Variants in TBC1D5 observed in about 807,000 individuals in gnomAD.
The protein encoded by TBC1D5 is TBC1 domain family, member 5.
In TBC1D5, 75 loss-of-function variants were observed where a neutral mutation model predicts 100.3. The ratio of observed to expected loss-of-function variants is 0.75; its 90% CI spans 0.62 to 0.91. The LOEUF is 0.91. Among genes scored for constraint, TBC1D5 ranks in the 40% least tolerant of loss-of-function variants. TBC1D5 has a pLI of 0.00. For missense variants in TBC1D5, 910 were observed against 942.4 expected (o/e 0.97, Z 0.45); for synonymous variants, 323 against 325.6 (o/e 0.99, Z 0.09).
chr3:17,481,843 C>T (rs904117759), intron 3 of TBC1D5, among the ~76,000 whole-genome samples: 3 of 152,132 alleles, frequency 2.0e-5, no homozygotes, highest in Non-Finnish European at 4.4e-5. Flanking sequence ...CAGGTTCAAG[C>T]GATTCTCCTG....
chr3:17,587,475 A>G (rs2096739725), intron 2 of TBC1D5, among the ~76,000 whole-genome samples: 1 of 152,018 alleles, frequency 6.6e-6, no homozygotes, highest in Non-Finnish European at 1.5e-5. Context: ...TTCAATATAA[A>G]TTATTTCAAA....
intron 13 of TBC1D5, among the ~76,000 whole-genome samples, chr3:17,310,102 G>C (rs1393650669): frequency 1.3e-5 from 2 of 151,932 alleles, no homozygotes; most frequent in African/African-American, 2.4e-5. Flanking sequence ...AAAAACCAAA[G>C]TAGCCCATTT....
intron 8 of TBC1D5, among the ~76,000 whole-genome samples, chr3:17,390,076 C>T (rs1297702973): frequency 6.6e-6 from 1 of 152,078 alleles, no homozygotes; most frequent in Non-Finnish European, 1.5e-5. Context: ...ATACAAAGAC[C>T]TATACATGAT....
At chr3:17,375,686 C>A (rs1420706183) in intron 10 of TBC1D5, among the ~76,000 whole-genome samples, 1 of 151,244 alleles carries the variant, frequency 6.6e-6, no homozygotes, top group African/African-American at 2.4e-5. Context: ...AAAAAAAACT[C>A]AGTAAAATTA....
chr3:17,669,327 G>A (rs975609674), intron 1 of TBC1D5, among the ~76,000 whole-genome samples: 2 of 152,100 alleles, frequency 1.3e-5, no homozygotes, highest in South Asian at 4.1e-4. Flanking sequence ...CCCAGTCTCA[G>A]GCAGTTCTTT....
intron 2 of TBC1D5, among the ~76,000 whole-genome samples, chr3:17,518,474 T>A (rs1238752226): frequency 6.6e-6 from 1 of 152,200 alleles, no homozygotes; most frequent in Non-Finnish European, 1.5e-5. Flanking sequence ...CAGCTGGAGA[T>A]GGCCAGATTT....
chr3:17,296,400 C>A (rs1171445011), intron 14 of TBC1D5, among the ~76,000 whole-genome samples: 1 of 152,132 alleles, frequency 6.6e-6, no homozygotes, highest in African/African-American at 2.4e-5. Flanking sequence ...CTACTACATG[C>A]AGGAAAAAAC....
chr3:17,447,494 G>A (rs2094827485), intron 3 of TBC1D5, among the ~76,000 whole-genome samples: 1 of 152,116 alleles, frequency 6.6e-6, no homozygotes, highest in African/African-American at 2.4e-5. Flanking sequence ...GACATCACTA[G>A]GGAAAAAAAC....
chr3:17,508,926 C>T (rs1417714279), intron 2 of TBC1D5, among the ~76,000 whole-genome samples: 1 of 152,056 alleles, frequency 6.6e-6, no homozygotes, highest in African/African-American at 2.4e-5. Flanking sequence ...TTTTGTTTTA[C>T]AGCCAAAATA....
Position 17,282,007 on chromosome 3 carries a change from T to C in TBC1D5, c.1245+9888A>G, listed in dbSNP as rs188538827. On this transcript the variant is annotated intron_variant, in intron 15 of 21. Coordinates refer to ENST00000253692, the Ensembl canonical transcript of TBC1D5. The stretch of plus-strand genomic sequence containing the variant: ...ACACAGAAATACTAAGAAGTCCCTT[T>C]CTGAACAAACTATTTCATATATAAT... 3.9e-5 allele frequency among the ~76,000 whole-genome samples: 6 copies of C among 152,332 alleles called. No homozygotes were observed. The East Asian group carries it at 1.2e-3, about 29-fold the overall frequency.
chr3:17,544,650 G>GAAAAAAAAAAAAAAAAAA (rs11294217), intron 2 of TBC1D5, among the ~76,000 whole-genome samples: 3 of 86,262 alleles, frequency 3.5e-5, no homozygotes, highest in African/African-American at 1.3e-4. Context: ...GACTCCGTCT[G>GAAAAAAAAAAAAAAAAAA]AAAAAAAAAA....
intron 2 of TBC1D5, among the ~76,000 whole-genome samples, chr3:17,518,286 C>T (rs1055657776): frequency 6.6e-6 from 1 of 152,136 alleles, no homozygotes; most frequent in African/African-American, 2.4e-5. Flanking sequence ...CCTAAACTAC[C>T]CATGGCCCAC....
chr3:17,475,556 T>A (rs2095428568), intron 3 of TBC1D5, among the ~76,000 whole-genome samples: 1 of 152,068 alleles, frequency 6.6e-6, no homozygotes, highest in Admixed American at 6.6e-5. Flanking sequence ...CATCAACAAG[T>A]AGTTTTCTCT....
intron 14 of TBC1D5, among the ~76,000 whole-genome samples, chr3:17,299,648 G>A (rs1018787494): frequency 8.5e-5 from 13 of 152,100 alleles, no homozygotes; most frequent in Non-Finnish European, 1.9e-4. Context: ...CACAAGGTCA[G>A]GAGATGGAGA....
chr3:17,320,555 A>T (rs1361520146), intron 13 of TBC1D5, among the ~76,000 whole-genome samples: 1 of 152,248 alleles, frequency 6.6e-6, no homozygotes, highest in Non-Finnish European at 1.5e-5. Context: ...TTTCCCAGAA[A>T]GAAATTTTAT....
intron 2 of TBC1D5, among the ~76,000 whole-genome samples, chr3:17,572,398 T>G (rs2096632856): frequency 6.6e-6 from 1 of 151,746 alleles, no homozygotes; most frequent in Admixed American, 6.6e-5. Context: ...GCTCCAAACT[T>G]AACCACTTTA....
chr3:17,616,840 C>T (rs925824985), intron 2 of TBC1D5, among the ~76,000 whole-genome samples: 2 of 152,116 alleles, frequency 1.3e-5, no homozygotes, highest in African/African-American at 4.8e-5. Context: ...GACTCTTTAT[C>T]CAATTTGCCA....
At chr3:17,431,363 T>C (rs1426505043) in intron 3 of TBC1D5, among the ~76,000 whole-genome samples, 1 of 152,018 alleles carries the variant, frequency 6.6e-6, no homozygotes, top group Admixed American at 6.5e-5. Flanking sequence ...TCCTCTTACC[T>C]GAAAATAATT....
intron 4 of TBC1D5, among the ~76,000 whole-genome samples, chr3:17,416,287 C>CT (rs557848795): frequency 2.6e-5 from 4 of 152,198 alleles, no homozygotes; most frequent in Non-Finnish European, 5.9e-5. Context: ...ATGGTAAGCA[C>CT]TGACCATACA....
Sources: gnomAD v4.1 joint callset for allele counts (sites outside exome capture counted in the v4.1 genomes callset) on GRCh38, gnomAD v4.1.1 for gene constraint, MANE v1.5 for transcripts, NCBI Gene and HGNC (gene_info 2026-07-23, HGNC 2026-07-21) for gene names.